Variants in PPARG observed in about 807,000 individuals in gnomAD.
PPARG encodes peroxisome proliferator activated receptor gamma, also known as peroxisome proliferator-activated receptor gamma.
PPARG carries 17 observed loss-of-function variants against 39.2 expected under a neutral mutation model. The observed-to-expected ratio is 0.43, with a 90% CI of 0.30 to 0.65. The LOEUF is 0.65. Among genes scored for constraint, PPARG ranks in the 30% least tolerant of loss-of-function variants. The probability of loss-of-function intolerance (pLI) is 0.13; values close to 1 mark genes in which losing one functional copy is unlikely to be tolerated. For missense variants in PPARG, 406 were observed against 585.9 expected, an observed-to-expected ratio of 0.69 and a Z score of 3.17; for synonymous variants, 223 against 215.7, an observed-to-expected ratio of 1.03 and a Z score of -0.30.
chr3:12,328,812 G>A (rs556892909), intron 2 of PPARG, among the ~76,000 whole-genome samples: 42 of 152,354 alleles, frequency 2.8e-4, no homozygotes, highest in African/African-American at 7.9e-4. Context: ...GAGGAAGAAA[G>A]AACAGACGTT....
chr3:12,333,929 G>GT (rs1172982913), intron 2 of PPARG, among the ~76,000 whole-genome samples: 1 of 152,132 alleles, frequency 6.6e-6, no homozygotes, highest in East Asian at 1.9e-4. Flanking sequence ...ATTTTGACGA[G>GT]TTTTTTTGAG....
intron 5 of PPARG, among the ~76,000 whole-genome samples, chr3:12,405,565 G>A (rs1268091658): frequency 1.3e-5 from 2 of 152,246 alleles, no homozygotes; most frequent in Admixed American, 1.3e-4. Flanking sequence ...TGAGGGATGA[G>A]TAGGAGTTGG....
chr3:12,426,512 A>G (rs1005830512), intron 7 of PPARG, among the ~76,000 whole-genome samples: 6 of 152,032 alleles, frequency 3.9e-5, no homozygotes, highest in Non-Finnish European at 8.8e-5. Flanking sequence ...CAGGAGTGGA[A>G]AGGGGAAAAC....
intron 4 of PPARG, among the ~76,000 whole-genome samples, chr3:12,385,193 G>A (rs77215985): frequency 0.013 from 2,050 of 152,278 alleles, 57 homozygotes; most frequent in African/African-American, 0.047. Flanking sequence ...CTTCACATTT[G>A]CTGTTGTAGT....
intron 7 of PPARG, among the ~76,000 whole-genome samples, chr3:12,421,960 A>G (rs1345314342): frequency 9.8e-6 from 1 of 101,542 alleles, no homozygotes; most frequent in Admixed American, 9.7e-5. Context: ...AAGCAGGGGA[A>G]TTGTTCTCAT....
At chr3:12,430,418 A>G (rs1277544839) in intron 7 of PPARG, among the ~76,000 whole-genome samples, 1 of 152,042 alleles carries the variant, frequency 6.6e-6, no homozygotes, top group African/African-American at 2.4e-5. Flanking sequence ...ACAATACAAG[A>G]TAATAAGGAA....
intron 2 of PPARG, among the ~76,000 whole-genome samples, chr3:12,367,584 C>T (rs187544915): frequency 1.3e-3 from 197 of 151,832 alleles, no homozygotes; most frequent in Non-Finnish European, 2.3e-3. Context: ...CATAGTGACT[C>T]ATGCCTGTAA....
At chr3:12,389,476 G>A (rs1279756157) in intron 4 of PPARG, among the ~76,000 whole-genome samples, 1 of 152,158 alleles carries the variant, frequency 6.6e-6, no homozygotes, top group Admixed American at 6.5e-5. Context: ...CAACCAAAGA[G>A]AAAAGGTAGA....
At chr3:12,386,025 A>G (rs1386207974) in intron 4 of PPARG, among the ~76,000 whole-genome samples, 1 of 152,198 alleles carries the variant, frequency 6.6e-6, no homozygotes, top group Non-Finnish European at 1.5e-5. Flanking sequence ...TACACAAAAC[A>G]ATTTTCTCAG....
At chr3:12,323,654 T>G (rs1370924925) in intron 2 of PPARG, among the ~76,000 whole-genome samples, 1 of 152,100 alleles carries the variant, frequency 6.6e-6, no homozygotes, top group African/African-American at 2.4e-5. Context: ...GTGCTGCTGG[T>G]GCAAGGTTAA....
intron 4 of PPARG, among the ~76,000 whole-genome samples, chr3:12,382,544 G>A (rs1053634510): frequency 1.3e-5 from 2 of 152,144 alleles, no homozygotes; most frequent in African/African-American, 4.8e-5. Context: ...GGACATCTTG[G>A]TTCCTAAATG....
At chr3:12,310,331 C>T (rs189932140) in intron 1 of PPARG, among the ~76,000 whole-genome samples, 19 of 152,176 alleles carry the variant, frequency 1.2e-4, no homozygotes, top group Non-Finnish European at 2.2e-4. Flanking sequence ...GGAAAATTGG[C>T]ACAAGTATCA....
At chr3:12,370,325 A>T (rs1363330016) in intron 2 of PPARG, among the ~76,000 whole-genome samples, 1 of 150,980 alleles carries the variant, frequency 6.6e-6, no homozygotes, top group Non-Finnish European at 1.5e-5. Flanking sequence ...AGTACTTATG[A>T]TCATCTCTAT....
chr3:12,312,616 G>A (rs1260959939), intron 2 of PPARG, among the ~76,000 whole-genome samples, 163 bp downstream of exon 2: 2 of 152,116 alleles, frequency 1.3e-5, no homozygotes, highest in Admixed American at 1.3e-4. Flanking sequence ...GGACTATGCA[G>A]TGTAACATAT....
chr3:12,325,428 A>G (rs564535717), intron 2 of PPARG, among the ~76,000 whole-genome samples: 1 of 151,912 alleles, frequency 6.6e-6, no homozygotes, highest in African/African-American at 2.4e-5. Flanking sequence ...TCTCTAAATA[A>G]ATAAATAAAT....
intron 1 of PPARG, among the ~76,000 whole-genome samples, chr3:12,298,543 G>C (rs920997251): frequency 6.6e-6 from 1 of 151,954 alleles, no homozygotes; most frequent in Non-Finnish European, 1.5e-5. Flanking sequence ...CATTTTTCTT[G>C]TCACTTTCTT....
At chr3:12,321,330 G>A (rs1250764882) in intron 2 of PPARG, among the ~76,000 whole-genome samples, 3 of 152,124 alleles carry the variant, frequency 2.0e-5, no homozygotes, top group African/African-American at 7.2e-5. Context: ...TATATATGGG[G>A]TAACTAATTT....
intron 1 of PPARG, among the ~76,000 whole-genome samples, chr3:12,291,392 G>A (rs182323196): frequency 4.2e-4 from 63 of 151,706 alleles, no homozygotes; most frequent in Admixed American, 2.2e-3. Context: ...TATCCCCAGC[G>A]TATCAACTTC....
At chr3:12,391,097 A>G (rs1163549150) in intron 4 of PPARG, among the ~76,000 whole-genome samples, 1 of 152,184 alleles carries the variant, frequency 6.6e-6, no homozygotes, top group Non-Finnish European at 1.5e-5. Flanking sequence ...TTTATAGTTG[A>G]AAAAGGTGAG....
Sources: gnomAD v4.1 joint callset for allele counts (sites outside exome capture counted in the v4.1 genomes callset) on GRCh38, gnomAD v4.1.1 for gene constraint, MANE v1.5 for transcripts, NCBI Gene and HGNC (gene_info 2026-07-23, HGNC 2026-07-21) for gene names.